Variants in DACH1 observed in about 807,000 individuals in gnomAD.
The protein encoded by DACH1 is dachshund family transcription factor 1, also known as dachshund homolog 1.
In DACH1, 12 loss-of-function variants were observed where a neutral mutation model predicts 54.2. That is an observed-to-expected ratio of 0.22 (90% confidence interval 0.14 to 0.36). The LOEUF is 0.36. Among genes scored for constraint, DACH1 ranks in the 10% least tolerant of loss-of-function variants. DACH1 has a pLI of 1.00. For missense variants in DACH1, 805 were observed against 929.8 expected, an observed-to-expected ratio of 0.87 and a Z score of 1.75; for synonymous variants, 386 against 366.2, an observed-to-expected ratio of 1.05 and a Z score of -0.62.
chr13:71,440,624 C>T lies in DACH1; in HGVS notation c.*31G>A, dbSNP rs752767701. On this transcript the variant is annotated 3_prime_UTR_variant, in exon 11 of 11. Coordinates refer to ENST00000613252, the MANE Select transcript of DACH1 (RefSeq NM_080759.6). ...GAATGTCTGACTGCAAAGTTCTTTT[C>T]TATAACATGGATTTCTTCAACAGGA... 8.3e-6 allele frequency: 13 copies of T among 1,572,580 alleles called. No homozygotes were observed. Among genetic ancestry groups the T allele is most frequent in the Non-Finnish European group, 1.1e-5 (13 of 1,156,910 alleles).
chr13:71,786,795 A>G (rs1346680823), intron 1 of DACH1, among the ~76,000 whole-genome samples: 3 of 151,804 alleles, frequency 2.0e-5, no homozygotes, highest in Admixed American at 6.6e-5. Flanking sequence ...TTCAGAGGGG[A>G]AAAAAAAGCT....
At chr13:71,705,239 A>C (rs548586788) in intron 1 of DACH1, among the ~76,000 whole-genome samples, 1 of 152,330 alleles carries the variant, frequency 6.6e-6, no homozygotes, top group East Asian at 1.9e-4. Flanking sequence ...GTTTTCCTCT[A>C]GTAATAATAT....
chr13:71,616,210 A>T (rs866456262), intron 3 of DACH1, among the ~76,000 whole-genome samples: 3 of 151,964 alleles, frequency 2.0e-5, no homozygotes, highest in Non-Finnish European at 2.9e-5. Flanking sequence ...ACTTCCAAAG[A>T]TTGCTTTGGG....
At chr13:71,686,286 C>T (rs1439478643) in intron 1 of DACH1, among the ~76,000 whole-genome samples, 2 of 152,174 alleles carry the variant, frequency 1.3e-5, no homozygotes, top group Admixed American at 6.6e-5. Context: ...TCCACATCCA[C>T]ATTTAATATC....
intron 2 of DACH1, among the ~76,000 whole-genome samples, chr13:71,644,576 C>T (rs139343454): frequency 6.6e-5 from 10 of 152,224 alleles, no homozygotes; most frequent in East Asian, 5.8e-4. Context: ...TCAGATCTTC[C>T]GCAAGAAAAG....
At chr13:71,494,074 C>T (rs1449151550) in intron 6 of DACH1, among the ~76,000 whole-genome samples, 1 of 152,024 alleles carries the variant, frequency 6.6e-6, no homozygotes, top group African/African-American at 2.4e-5. Flanking sequence ...GTGCATCTTC[C>T]TAGGAAAAAA....
At chr13:71,683,574 G>A (rs754379184) in intron 1 of DACH1, among the ~76,000 whole-genome samples, 6 of 152,098 alleles carry the variant, frequency 3.9e-5, no homozygotes, top group Non-Finnish European at 7.4e-5. Flanking sequence ...GTTGGAAAAC[G>A]AGCAAGACTG....
At chr13:71,597,730 T>C (rs1007248792) in intron 3 of DACH1, among the ~76,000 whole-genome samples, 2 of 152,300 alleles carry the variant, frequency 1.3e-5, no homozygotes, top group South Asian at 4.1e-4. Flanking sequence ...TTACATTGTG[T>C]TGAGTCACAC....
chr13:71,771,467 C>CA (rs1885852033), intron 1 of DACH1, among the ~76,000 whole-genome samples: 2 of 151,428 alleles, frequency 1.3e-5, no homozygotes, highest in African/African-American at 4.8e-5. Context: ...ATCAGTATGT[C>CA]AATTTAAGTA....
intron 2 of DACH1, among the ~76,000 whole-genome samples, chr13:71,666,243 T>A (rs192399142): frequency 0.014 from 2,076 of 152,296 alleles, 30 homozygotes; most frequent in African/African-American, 0.033. Flanking sequence ...GTTGATTATA[T>A]CCTATGTACA....
At chr13:71,793,366 C>T (rs962338931) in intron 1 of DACH1, among the ~76,000 whole-genome samples, 1 of 152,120 alleles carries the variant, frequency 6.6e-6, no homozygotes, top group African/African-American at 2.4e-5. Flanking sequence ...CAGCGACTTT[C>T]AAAATGGAAG....
chr13:71,618,044 T>C (rs2138534102), intron 3 of DACH1, among the ~76,000 whole-genome samples: 1 of 152,226 alleles, frequency 6.6e-6, no homozygotes, highest in Non-Finnish European at 1.5e-5. Flanking sequence ...GACTATGATA[T>C]TAATATATCT....
At chr13:71,613,968 A>G (rs1472705117) in intron 3 of DACH1, among the ~76,000 whole-genome samples, 1 of 152,130 alleles carries the variant, frequency 6.6e-6, no homozygotes, top group Non-Finnish European at 1.5e-5. Flanking sequence ...GATTACAGAC[A>G]TGAGCCACCA....
chr13:71,692,069 A>T (rs1391633336), intron 1 of DACH1, among the ~76,000 whole-genome samples: 3 of 151,930 alleles, frequency 2.0e-5, no homozygotes, highest in African/African-American at 7.2e-5. Context: ...ACACTTCTGT[A>T]ATGAAGGCTG....
intron 1 of DACH1, among the ~76,000 whole-genome samples, chr13:71,697,385 G>A (rs1881887013): frequency 6.6e-6 from 1 of 152,104 alleles, no homozygotes; most frequent in South Asian, 2.1e-4. Context: ...TGTGTATGGC[G>A]CCAACTTGAT....
intron 1 of DACH1, among the ~76,000 whole-genome samples, chr13:71,822,589 T>C (rs1186751851): frequency 6.6e-6 from 1 of 152,206 alleles, no homozygotes; most frequent in Non-Finnish European, 1.5e-5. Context: ...ATTTTCCTAA[T>C]ACAAAAATTT....
At chr13:71,790,763 C>T (rs1381388679) in intron 1 of DACH1, among the ~76,000 whole-genome samples, 1 of 152,040 alleles carries the variant, frequency 6.6e-6, no homozygotes. Flanking sequence ...ATCTAAGAAA[C>T]ACAAAAAAGC....
At chr13:71,504,180 A>G (rs1317554751) in intron 6 of DACH1, among the ~76,000 whole-genome samples, 1 of 152,212 alleles carries the variant, frequency 6.6e-6, no homozygotes, top group Non-Finnish European at 1.5e-5. Context: ...AATGTGCTCT[A>G]TTTAAGAAAT....
intron 1 of DACH1, among the ~76,000 whole-genome samples, chr13:71,847,962 C>T (rs1873398152): frequency 6.6e-6 from 1 of 152,144 alleles, no homozygotes; most frequent in African/African-American, 2.4e-5. Context: ...AGAAAATAAT[C>T]ATTTAGGGGA....
Sources: gnomAD v4.1 joint callset for allele counts (sites outside exome capture counted in the v4.1 genomes callset) on GRCh38, gnomAD v4.1.1 for gene constraint, MANE v1.5 for transcripts, NCBI Gene and HGNC (gene_info 2026-07-23, HGNC 2026-07-21) for gene names.